Variants in TCF20 observed in about 807,000 individuals in gnomAD.
TCF20 encodes transcription factor 20, also known as SPRE-binding protein.
Under a neutral mutation model 148.6 loss-of-function variants are expected in TCF20, and 3 were observed. The observed-to-expected ratio is 0.02, with a 90% CI of 0.01 to 0.05. The LOEUF is 0.05. Ranked by LOEUF, TCF20 falls within the 10% of genes least tolerant of loss-of-function variation. The probability of loss-of-function intolerance (pLI) is 1.00; values close to 1 mark genes in which losing one functional copy is unlikely to be tolerated. For missense variants in TCF20, 2,350 were observed against 2,429.3 expected (o/e 0.97, Z 0.69); for synonymous variants, 1,049 against 909.5 (o/e 1.15, Z -2.76).
At chr22:42,207,789 T>C (rs1400652011) in intron 2 of TCF20, among the ~76,000 whole-genome samples, 1 of 152,098 alleles carries the variant, frequency 6.6e-6, no homozygotes, top group South Asian at 2.1e-4. Context: ...CACTCCAGCC[T>C]GGGCAACAAG....
chr22:42,284,120 G>GGGAT (rs1926976096), upstream of TCF20, among the ~76,000 whole-genome samples: 1 of 152,102 alleles, frequency 6.6e-6, no homozygotes, highest in Non-Finnish European at 1.5e-5. Context: ...GCGGGGAGGA[G>GGGAT]GGATGGATGG....
intron 1 of TCF20, among the ~76,000 whole-genome samples, chr22:42,295,995 G>A (rs1927230131): frequency 1.3e-5 from 2 of 152,352 alleles, no homozygotes; most frequent in South Asian, 4.1e-4. Context: ...AAGCCAGCAA[G>A]CTGGGGTTCC....
At chr22:42,172,596 C>G (rs1936197074) in intron 3 of TCF20, among the ~76,000 whole-genome samples, 1 of 152,246 alleles carries the variant, frequency 6.6e-6, no homozygotes, top group African/African-American at 2.4e-5. Flanking sequence ...TCATTTCCCT[C>G]TTCAAGCTCA....
chr22:42,200,369 G>A (rs1052107801), intron 2 of TCF20, among the ~76,000 whole-genome samples: 5 of 152,104 alleles, frequency 3.3e-5, no homozygotes, highest in Non-Finnish European at 7.4e-5. Context: ...AACTTTAGCC[G>A]GGTGTGGTGA....
chr22:42,243,319 A>AAAAAG (rs1418328003), intron 1 of TCF20, among the ~76,000 whole-genome samples: 1 of 146,988 alleles, frequency 6.8e-6, no homozygotes, highest in Admixed American at 6.8e-5. Flanking sequence ...AAAAAAAAAA[A>AAAAAG]AAGTCAGGCA....
chr22:42,295,331 C>T (rs1326087604), intron 1 of TCF20, among the ~76,000 whole-genome samples: 1 of 152,232 alleles, frequency 6.6e-6, no homozygotes, highest in Non-Finnish European at 1.5e-5. Flanking sequence ...CCACACTCCC[C>T]ACCGCTGGGC....
intron 2 of TCF20, among the ~76,000 whole-genome samples, chr22:42,191,866 G>T (rs748380824): frequency 2.0e-5 from 3 of 152,238 alleles, no homozygotes; most frequent in Non-Finnish European, 4.4e-5. Context: ...CCCAGCAGGA[G>T]TAGGAGACCT....
In TCF20 at chr22:42,292,947, C is replaced by T. The variant is rs970560555; in HGVS notation, c.-37+50532G>A. Among the ~76,000 whole-genome samples the T allele has an allele frequency of 6.6e-5, 10 of 150,890 alleles. No homozygotes were observed. Among genetic ancestry groups the T allele is most frequent in the Non-Finnish European group, 1.3e-4 (9 of 67,772 alleles). Reference sequence around the variant, plus strand: ...ACTCTGTCCTGCCCACCAGGAGTGGCGGGGTTTGAATTTCAGGAGCTGGGC... The same window carrying T: ...ACTCTGTCCTGCCCACCAGGAGTGGTGGGGTTTGAATTTCAGGAGCTGGGC... On this transcript the variant is annotated intron_variant, in intron 1 of 1. Coordinates refer to the TCF20 transcript ENST00000515426. The surrounding 1 kb of genome is among the most constrained non-coding windows in gnomAD (Gnocchi z 4.9).
At chr22:42,329,806 C>T (rs1251073902) in intron 1 of TCF20, among the ~76,000 whole-genome samples, 1 of 152,108 alleles carries the variant, frequency 6.6e-6, no homozygotes, top group Non-Finnish European at 1.5e-5. Flanking sequence ...CCACCGAGTC[C>T]CCTTCCTCCC....
intron 1 of TCF20, among the ~76,000 whole-genome samples, chr22:42,254,810 C>CCAAA (rs1925631758): frequency 6.6e-6 from 1 of 151,910 alleles, no homozygotes; most frequent in Non-Finnish European, 1.5e-5. Context: ...ACTAAAAATA[C>CCAAA]AAAAATTAGC....
chr22:42,214,271 C>T lies in TCF20; in HGVS notation c.1035G>A (p.Gly345=), dbSNP rs369175123. 21 of 1,614,078 alleles carry T rather than the reference C, an allele frequency of 1.3e-5. No individual in the cohort carries two copies. The highest frequency in any genetic ancestry group is 1.5e-5 in the Non-Finnish European group (18 of 1,180,040). ...CAGGAACCTCAGGCTGGTTGTACTG[C>T]CCCACTTGGCTTTGCAGGGGCAGCT... The part of the protein sequence containing the change: ...ATKLPLQSQV[G]QYNQPEVPVR... Residue 345 remains glycine, a synonymous_variant, in exon 2 of 6, where the codon GGG becomes GGA. Coordinates refer to ENST00000677622, the MANE Select transcript of TCF20 (RefSeq NM_001378418.1).
rs192265034 is a variant in TCF20 at position 42,232,069 on chromosome 22, C to T, written c.-36-16728G>A. On this transcript the variant is annotated intron_variant, in intron 1 of 5. Transcript: ENST00000677622. ...TGTGCAGTAACGTCCTGGGCCTTTA[C>T]CTTCATTCACCATTCACTCACTGAC... Among the ~76,000 whole-genome samples the T allele has an allele frequency of 4.0e-3, 606 of 152,170 alleles. 6 individuals are homozygous for T. The highest frequency in any genetic ancestry group is 0.014 in the African/African-American group (578 of 41,498).
At chr22:42,232,654 C>T (rs1923530229) in intron 1 of TCF20, among the ~76,000 whole-genome samples, 1 of 151,850 alleles carries the variant, frequency 6.6e-6, no homozygotes, top group Admixed American at 6.6e-5. Flanking sequence ...GGTGAAACCC[C>T]ATCTCTACTA....
chr22:42,193,071 G>C (rs1256592487), intron 2 of TCF20, among the ~76,000 whole-genome samples: 1 of 152,048 alleles, frequency 6.6e-6, no homozygotes, highest in Admixed American at 6.6e-5. Context: ...CATAGATATG[G>C]AAATTTTCTT....
chr22:42,321,254 G>A (rs1927728380), intron 1 of TCF20, among the ~76,000 whole-genome samples: 1 of 152,188 alleles, frequency 6.6e-6, no homozygotes, highest in Non-Finnish European at 1.5e-5. Flanking sequence ...CACCAGGGAT[G>A]GGCAACGCAG....
At chr22:42,225,475 G>A (rs536848128) in intron 1 of TCF20, among the ~76,000 whole-genome samples, 16 of 150,918 alleles carry the variant, frequency 1.1e-4, no homozygotes, top group African/African-American at 2.9e-4. Context: ...TTAGCCGGGC[G>A]CGGTGGCGGG....
intron 1 of TCF20, among the ~76,000 whole-genome samples, chr22:42,255,351 T>C (rs1925673586): frequency 6.6e-6 from 1 of 152,000 alleles, no homozygotes; most frequent in Non-Finnish European, 1.5e-5. Context: ...TAGCCGGGCT[T>C]GGTGGTGCGT....
At position 42,221,739 on chromosome 22, in the gene TCF20, G is replaced by GTTTTTTTTTTTTTTTTTTTTTTTTTTTT. The variant is rs59283483; in HGVS notation, c.-36-6399_-36-6398insAAAAAAAAAAAAAAAAAAAAAAAAAAAA. Among the ~76,000 whole-genome samples, 2 of 92,818 alleles carry GTTTTTTTTTTTTTTTTTTTTTTTTTTTT rather than the reference G, an allele frequency of 2.2e-5. 1 individual carries two copies. 60.9% of individuals were successfully genotyped at this position (92,818 alleles called of 152,430 possible). ...GGGCTTATTAACCATATGGCAAAGG[G>GTTTTTTTTTTTTTTTTTTTTTTTTTTTT]TTTTTTTTTTTTTTTTTGAGACGGA... is the stretch of plus-strand genomic sequence containing the variant. On this transcript the variant is annotated intron_variant, in intron 1 of 5. Transcript: ENST00000677622.
intron 1 of TCF20, among the ~76,000 whole-genome samples, chr22:42,293,580 T>C (rs1003425328): frequency 2.6e-5 from 4 of 152,156 alleles, no homozygotes; most frequent in Non-Finnish European, 1.5e-5. Flanking sequence ...TAAGGGGGTA[T>C]CTTCAGGCTA....
Sources: allele counts gnomAD v4.1 joint callset (sites outside exome capture counted in the v4.1 genomes callset), GRCh38; gene constraint gnomAD v4.1.1; non-coding constraint Gnocchi (gnomAD v3.1); transcripts MANE v1.5; gene names NCBI Gene and HGNC (gene_info 2026-07-23, HGNC 2026-07-21).